The following SGPP1 variants were observed in gnomAD, a reference collection of about 807,000 sequenced individuals.
The protein encoded by SGPP1 is hSPP1.
A neutral mutation model predicts 33.0 loss-of-function variants in SGPP1; 21 were observed. That is an observed-to-expected ratio of 0.64 (90% CI 0.45 to 0.92). The LOEUF (loss-of-function observed/expected upper bound fraction) is 0.92, where lower values mean the gene tolerates loss of function less well. Ranked by LOEUF, SGPP1 falls within the 40% of genes least tolerant of loss-of-function variation. The probability of loss-of-function intolerance (pLI) is 0.00; values close to 1 mark genes in which losing one functional copy is unlikely to be tolerated. For synonymous variants in SGPP1, 239 were observed against 241.2 expected, an observed-to-expected ratio of 0.99 and a Z score of 0.08; for missense variants, 543 against 589.4, an observed-to-expected ratio of 0.92 and a Z score of 0.81.
intron 2 of SGPP1, among the ~76,000 whole-genome samples, chr14:63,696,518 C>G (rs1885189122): frequency 2.0e-5 from 3 of 152,072 alleles, no homozygotes; most frequent in African/African-American, 4.8e-5. Context: ...TAAAAAGACA[C>G]AGAAGATAGA....
intron 1 of SGPP1, among the ~76,000 whole-genome samples, chr14:63,726,139 G>A (rs1222458242): frequency 6.6e-6 from 1 of 152,092 alleles, no homozygotes; most frequent in Non-Finnish European, 1.5e-5. Context: ...TATCCATGGG[G>A]ACGAAATTTT....
intron 1 of SGPP1, among the ~76,000 whole-genome samples, chr14:63,720,599 A>G (rs1885750759): frequency 6.6e-6 from 1 of 151,984 alleles, no homozygotes; most frequent in Non-Finnish European, 1.5e-5. Context: ...TTTCTACTAA[A>G]AATTAAAAAA....
intron 1 of SGPP1, among the ~76,000 whole-genome samples, chr14:63,703,989 C>A (rs1885356570): frequency 6.6e-6 from 1 of 151,726 alleles, no homozygotes; most frequent in South Asian, 2.1e-4. Flanking sequence ...CCATACCCTG[C>A]TAATTTTTTA....
intron 1 of SGPP1, among the ~76,000 whole-genome samples, chr14:63,716,843 A>G (rs1470238036): frequency 6.6e-6 from 1 of 151,958 alleles, no homozygotes; most frequent in Non-Finnish European, 1.5e-5. Context: ...ACAGGCGCCC[A>G]CCAACATGCC....
At chr14:63,720,616 C>T (rs1028941589) in intron 1 of SGPP1, among the ~76,000 whole-genome samples, 3 of 151,766 alleles carry the variant, frequency 2.0e-5, no homozygotes, top group Non-Finnish European at 2.9e-5. Context: ...AAAAATTAGC[C>T]GGGCGTGATG....
chr14:63,704,742 A>T (rs1885370925), intron 1 of SGPP1, among the ~76,000 whole-genome samples: 1 of 152,216 alleles, frequency 6.6e-6, no homozygotes, highest in Admixed American at 6.5e-5. Flanking sequence ...ATAAATCTTT[A>T]TGACTCTGGA....
Position 63,715,294 on chromosome 14 carries a change from C to A in SGPP1, c.684+11967G>T, listed in dbSNP as rs981557669. ...CTTCCCAAAGTGCTGGGATTACAGG[C>A]ATAATCCACCGCACCCAGCCAATGA... On this transcript the variant is annotated intron_variant, in intron 1 of 2. Transcript: ENST00000247225. Among the ~76,000 whole-genome samples, 6 of 152,206 alleles carry A rather than the reference C, an allele frequency of 3.9e-5. No individual in the cohort carries two copies. In the South Asian group the frequency reaches 1.0e-3, roughly 26 times the overall value.
At chr14:63,713,626 C>G (rs944176621) in intron 1 of SGPP1, among the ~76,000 whole-genome samples, 8 of 152,068 alleles carry the variant, frequency 5.3e-5, no homozygotes, top group African/African-American at 1.4e-4. Flanking sequence ...TATTAAAATC[C>G]TGGAATTTGA....
intron 1 of SGPP1, among the ~76,000 whole-genome samples, chr14:63,708,173 C>T (rs989663843): frequency 1.3e-5 from 2 of 151,686 alleles, no homozygotes; most frequent in Non-Finnish European, 2.9e-5. Context: ...TCGTCCTCCA[C>T]TCTCTCCACT....
At chr14:63,717,357 C>CA (rs1392540274) in intron 1 of SGPP1, among the ~76,000 whole-genome samples, 1 of 150,024 alleles carries the variant, frequency 6.7e-6, no homozygotes, top group Non-Finnish European at 1.5e-5. Flanking sequence ...CTCTGTCGCT[C>CA]ACGCTGGAGT....
chr14:63,705,610 A>G (rs1332027269), intron 1 of SGPP1, among the ~76,000 whole-genome samples: 1 of 151,968 alleles, frequency 6.6e-6, no homozygotes, highest in Admixed American at 6.6e-5. Flanking sequence ...AAAGGTTCCC[A>G]CGAGCCAAGA....
intron 2 of SGPP1, among the ~76,000 whole-genome samples, chr14:63,690,149 C>T (rs1885062109): frequency 6.6e-6 from 1 of 152,186 alleles, no homozygotes; most frequent in Non-Finnish European, 1.5e-5. Flanking sequence ...AGTTGTCCTC[C>T]CCACTTCAGC....
intron 2 of SGPP1, among the ~76,000 whole-genome samples, chr14:63,688,725 CTTT>C (rs1051862998): frequency 2.6e-5 from 3 of 115,928 alleles, no homozygotes; most frequent in African/African-American, 4.4e-5. Flanking sequence ...TTTTTTTTTT[CTTT>C]TTTTTTTTTT....
intron 1 of SGPP1, among the ~76,000 whole-genome samples, chr14:63,716,417 C>G (rs1469142098): frequency 6.6e-6 from 1 of 151,976 alleles, no homozygotes; most frequent in Non-Finnish European, 1.5e-5. Context: ...TCGCTTGAAT[C>G]CGGGGGGTGG....
chr14:63,697,163 C>G (rs1383294864), intron 2 of SGPP1, among the ~76,000 whole-genome samples: 1 of 151,890 alleles, frequency 6.6e-6, no homozygotes, highest in Non-Finnish European at 1.5e-5. Context: ...GCTTATGTAC[C>G]CCTTGAATCT....
intron 2 of SGPP1, among the ~76,000 whole-genome samples, chr14:63,686,928 T>C (rs1348212407): frequency 6.6e-6 from 1 of 152,192 alleles, no homozygotes; most frequent in East Asian, 1.9e-4. Flanking sequence ...GAACAACAAA[T>C]TATGCTAAAA....
chr14:63,686,139 A>G lies in SGPP1; in HGVS notation c.1292T>C (p.Val431Ala). 6.2e-7 allele frequency: 1 copy of G among 1,606,918 alleles called. No homozygotes were observed. The highest frequency in any genetic ancestry group is 8.5e-7 in the Non-Finnish European group (1 of 1,176,470). ...GMVGFSITFFVPYIFFFIGIS is the reference protein window; with the variant it reads ...GMVGFSITFFAPYIFFFIGIS ...ACCAATAAAGAAAAATATGTAAGGA[A>G]CAAAAAATGTGATGGAGAAACCAAC... The change falls in exon 3 of 3, where the codon GTT (valine) becomes GCT (alanine). Residue 431 changes from valine (V) to alanine (A), a missense_variant. Coordinates refer to ENST00000247225, the MANE Select transcript of SGPP1 (RefSeq NM_030791.4).
At chr14:63,698,516 T>G (rs530624493) in intron 2 of SGPP1, 53 bp downstream of exon 2, 231 of 1,011,140 alleles carry the variant, frequency 2.3e-4, no homozygotes, top group Non-Finnish European at 3.2e-4. Flanking sequence ...ATTATAAAAT[T>G]TCCTGTCAAT....
chr14:63,703,429 C>T (rs61985693), intron 1 of SGPP1, among the ~76,000 whole-genome samples: 97 of 151,960 alleles, frequency 6.4e-4, no homozygotes, highest in Non-Finnish European at 1.1e-3. Flanking sequence ...CTGAGGTGGG[C>T]GGATCACAAG....
Sources: allele counts gnomAD v4.1 joint callset (sites outside exome capture counted in the v4.1 genomes callset), GRCh38; gene constraint gnomAD v4.1.1; transcripts MANE v1.5; gene names NCBI Gene and HGNC (gene_info 2026-07-23, HGNC 2026-07-21).